Variants in CEP290 observed in about 807,000 individuals in gnomAD.
CEP290 encodes the protein centrosomal protein of 290 kDa.
CEP290 carries 317 observed loss-of-function variants against 344.9 expected under a neutral mutation model. The observed-to-expected ratio is 0.92, with a 90% CI of 0.84 to 1.01. CEP290 has a LOEUF of 1.01. Ranked by LOEUF, CEP290 falls within the 50% of genes least tolerant of loss-of-function variation. The pLI, the probability that CEP290 is intolerant of heterozygous loss-of-function variation, is 0.00. For missense variants in CEP290, 2,754 were observed against 2,761.4 expected, an observed-to-expected ratio of 1.00 and a Z score of 0.06; for synonymous variants, 932 against 895.8, an observed-to-expected ratio of 1.04 and a Z score of -0.72.
chr12:88,078,370 T>C (rs952097180), intron 39 of CEP290, among the ~76,000 whole-genome samples: 1 of 152,090 alleles, frequency 6.6e-6, no homozygotes, highest in Non-Finnish European at 1.5e-5. Flanking sequence ...CTAGACAATA[T>C]GTATGCCACT....
Position 88,109,161 on chromosome 12 carries a change from T to G in CEP290, c.2388A>C (p.Lys796Asn). 7.7e-7 allele frequency: 1 copy of G among 1,295,932 alleles called. No homozygotes were observed. Among genetic ancestry groups the G allele is most frequent in the Non-Finnish European group, 1.1e-6 (1 of 950,260 alleles). The allele number at this position is 1,295,932 out of a possible 1,614,324, so 80.3% of individuals were successfully genotyped here. A position where few individuals can be genotyped will look rare whatever the true frequency, so the allele number is the denominator to read the frequency against. Residue 796 changes from lysine (K) to asparagine (N), a missense_variant, in exon 23 of 54, where the codon AAA becomes AAC. Coordinates refer to ENST00000552810, the MANE Select transcript of CEP290 (RefSeq NM_025114.4). ...GAGAATCTTCTAAATTCTTTAACTT[T>G]TTTTCTTTATTTTCTAGTTCCTGAA... ...HLLQELENKE[K>N]KLKNLEDSLE...
At chr12:88,086,216 T>C in intron 33 of CEP290, 43 bp from the exon 34 acceptor site, 2 of 1,594,546 alleles carry the variant, frequency 1.3e-6, no homozygotes. Context: ...AGTTGCAGCA[T>C]TGAGAGTAAC....
rs2137281532 is a variant in CEP290 at position 88,089,506 on chromosome 12, T to C, written c.3574-19A>G. 3 of 1,393,362 alleles carry C rather than the reference T, an allele frequency of 2.2e-6. No homozygotes were observed. 86.3% of individuals were successfully genotyped at this position (1,393,362 alleles called of 1,614,324 possible). A position where few individuals can be genotyped will look rare whatever the true frequency, so the allele number is the denominator to read the frequency against. ...ACTGTGCCTGATATTAAAAAAAATA[T>C]ATATTTGTAGTAAGTTTCAAATTTT... On this transcript the variant is annotated intron_variant, in intron 30 of 53. Coordinates refer to ENST00000552810, the MANE Select transcript of CEP290 (RefSeq NM_025114.4).
chr12:88,078,796 T>TA (rs2035973549), intron 39 of CEP290, among the ~76,000 whole-genome samples: 1 of 151,974 alleles, frequency 6.6e-6, no homozygotes, highest in Non-Finnish European at 1.5e-5. Context: ...AAAATTGCTC[T>TA]AAAAAAATAA....
intron 18 of CEP290, chr12:88,115,935 T>C (rs1210033589): frequency 1.0e-6 from 1 of 984,742 alleles, no homozygotes; most frequent in African/African-American, 1.7e-5. Flanking sequence ...TTTTATTATA[T>C]CTTCTTTCAA....
rs2035114607 is a variant in CEP290, at chr12:88,068,521, C to T, written c.6135+1G>A. 6.7e-7 allele frequency: 1 copy of T among 1,500,032 alleles called. No individual in the cohort carries two copies. Among genetic ancestry groups the T allele is most frequent in the Non-Finnish European group, 8.9e-7 (1 of 1,121,692 alleles). 92.9% of individuals were successfully genotyped at this position (1,500,032 alleles called of 1,614,324 possible). A position where few individuals can be genotyped will look rare whatever the true frequency, so the allele number is the denominator to read the frequency against. On this transcript the variant is annotated splice_donor_variant, in intron 44 of 53. Transcript: ENST00000552810. LOFTEE classifies it high-confidence loss of function. ...AAAAATAATAAAAGATATACACTTA[C>T]TGAAGGCTTAGAATATGTATCCTTT...
chr12:88,051,391 G>T (rs1226854045), intron 52 of CEP290, among the ~76,000 whole-genome samples: 2 of 151,928 alleles, frequency 1.3e-5, no homozygotes, highest in African/African-American at 4.8e-5. Flanking sequence ...TAGAGACAGG[G>T]TTTCACCATG....
intron 53 of CEP290, chr12:88,050,082 C>T (rs1004104201): frequency 3.9e-6 from 1 of 254,280 alleles, no homozygotes; most frequent in African/African-American, 2.3e-5. Flanking sequence ...ACACTGTTGC[C>T]AATGTGACCC....
intron 29 of CEP290, among the ~76,000 whole-genome samples, chr12:88,091,540 T>C (rs1199956733): frequency 6.6e-6 from 1 of 152,152 alleles, no homozygotes; most frequent in Non-Finnish European, 1.5e-5. Flanking sequence ...TTCAGTATTA[T>C]AGATAAGGCA....
rs368025801 is a variant in CEP290 at position 88,130,403 on chromosome 12, C to A, written c.534G>T (p.Gln178His). Residue 178 changes from glutamine (Q) to histidine (H), a missense_variant, in exon 9 of 54, where the codon CAG becomes CAT. Coordinates refer to ENST00000552810, the MANE Select transcript of CEP290 (RefSeq NM_025114.4). The stretch of plus-strand genomic sequence containing the variant: ...TTTGTTTCTGGTAGTCAATAATATC[C>A]TGACAAAGTTGTTCATTCTGAAGGT... ...RLKKKNEQLC[Q>H]DIIDYQKQID... 11 of 1,604,232 alleles carry A rather than the reference C, an allele frequency of 6.9e-6. No individual in the cohort carries two copies. In the African/African-American group the frequency reaches 1.5e-4, roughly 22 times the overall value.
intron 14 of CEP290, among the ~76,000 whole-genome samples, chr12:88,120,611 T>C (rs932960389): frequency 3.0e-4 from 45 of 152,208 alleles, no homozygotes; most frequent in African/African-American, 1.0e-3. Flanking sequence ...TTGCTTGAAT[T>C]AGTTGTAACC....
At chr12:88,054,593 G>A (rs2033850878) in intron 50 of CEP290, among the ~76,000 whole-genome samples, 180 bp from the exon 51 acceptor site, 1 of 152,128 alleles carries the variant, frequency 6.6e-6, no homozygotes, top group East Asian at 1.9e-4. Context: ...CTGCATAACT[G>A]GCATTGTCCT....
chr12:88,102,350 C>T (rs1228813721), intron 26 of CEP290, among the ~76,000 whole-genome samples: 1 of 152,000 alleles, frequency 6.6e-6, no homozygotes, highest in Non-Finnish European at 1.5e-5. Flanking sequence ...ATCCATGGTC[C>T]AGGAAGAGCC....
rs766007691 is a variant in CEP290 at position 88,126,305 on chromosome 12, T to C, written c.1065+11A>G. On this transcript the variant is annotated intron_variant, in intron 12 of 53. Coordinates refer to ENST00000552810, the MANE Select transcript of CEP290 (RefSeq NM_025114.4). ...AACTGGTTGATAAACAAAATTCTGT[T>C]AAGATTTTACCTGCTGTAGAGCCAT... The C allele has an allele frequency of 2.1e-6, 3 of 1,438,800 alleles. No homozygotes were observed. Among genetic ancestry groups the C allele is most frequent in the Non-Finnish European group, 1.8e-6 (2 of 1,101,716 alleles). 89.1% of individuals were successfully genotyped at this position (1,438,800 alleles called of 1,614,324 possible).
At chr12:88,102,764 C>G (rs968631289) in intron 26 of CEP290, 74 bp downstream of exon 26, 1 of 1,258,186 alleles carries the variant, frequency 7.9e-7, no homozygotes, top group African/African-American at 1.5e-5. Flanking sequence ...TAAAATCTGC[C>G]AAATCCCCCC....
At position 88,111,212 on chromosome 12, in the gene CEP290, T is replaced by G. The variant is rs1234175613; in HGVS notation, c.2357A>C (p.His786Pro). Residue 786 changes from histidine (H) to proline (P), a missense_variant, in exon 22 of 54, where the codon CAT becomes CCT. Coordinates refer to ENST00000552810, the MANE Select transcript of CEP290 (RefSeq NM_025114.4). ...IINSQNEYLI[H>P]LLQELENKEK... The stretch of plus-strand genomic sequence containing the variant: ...CAAAATTTTCAATACCTGTAACAAA[T>G]GTATTAAATATTCATTCTGAGAATT... 1 of 1,384,204 alleles carries G rather than the reference T, an allele frequency of 7.2e-7. No individual in the cohort carries two copies. The highest frequency in any genetic ancestry group is 9.4e-7 in the Non-Finnish European group (1 of 1,062,744). 85.7% of individuals were successfully genotyped at this position (1,384,204 alleles called of 1,614,324 possible).
chr12:88,114,071 C>A (rs1315805865), intron 20 of CEP290, among the ~76,000 whole-genome samples: 3 of 151,892 alleles, frequency 2.0e-5, no homozygotes, highest in African/African-American at 7.3e-5. Context: ...GGATACAGCC[C>A]AAAGCCATGG....
chr12:88,108,400 A>C (rs760618148), intron 23 of CEP290, among the ~76,000 whole-genome samples: 45 of 152,214 alleles, frequency 3.0e-4, no homozygotes, highest in Admixed American at 6.5e-4. Context: ...GAATTCATGC[A>C]GCTATTTTAC....
intron 12 of CEP290, among the ~76,000 whole-genome samples, chr12:88,126,102 A>G (rs1019750382): frequency 3.3e-5 from 5 of 152,104 alleles, no homozygotes; most frequent in Non-Finnish European, 7.4e-5. Flanking sequence ...AAATAAACAC[A>G]GTAACTCTAG....
Sources: gnomAD v4.1 joint callset for allele counts (sites outside exome capture counted in the v4.1 genomes callset) on GRCh38, gnomAD v4.1.1 for gene constraint, MANE v1.5 for transcripts, NCBI Gene and HGNC (gene_info 2026-07-23, HGNC 2026-07-21) for gene names.